NDC1: variants seen among roughly 807,000 people sequenced by gnomAD.
The protein encoded by NDC1 is nucleoporin NDC1.
A neutral mutation model predicts 89.8 loss-of-function variants in NDC1; 24 were observed. That is an observed-to-expected ratio of 0.27 (90% CI 0.19 to 0.38). The LOEUF is 0.38. Among genes scored for constraint, NDC1 ranks in the 10% least tolerant of loss-of-function variants. NDC1 has a pLI of 1.00. For synonymous variants in NDC1, 296 were observed against 284.8 expected, an observed-to-expected ratio of 1.04 and a Z score of -0.39; for missense variants, 728 against 797.6, an observed-to-expected ratio of 0.91 and a Z score of 1.05.
intron 10 of NDC1, among the ~76,000 whole-genome samples, chr1:53,801,230 A>C (rs1255181114): frequency 2.0e-5 from 3 of 152,204 alleles, no homozygotes; most frequent in Non-Finnish European, 4.4e-5. Flanking sequence ...CAATGAACTA[A>C]GACAATGAAC....
intron 14 of NDC1, among the ~76,000 whole-genome samples, 189 bp from the exon 15 acceptor site, chr1:53,789,385 C>CA (rs1254244425): frequency 6.6e-6 from 1 of 152,262 alleles, no homozygotes; most frequent in Non-Finnish European, 1.5e-5. Context: ...ACTCTACCAT[C>CA]AACTCATTGT....
chr1:53,834,457 A>C (rs761478759), intron 2 of NDC1, among the ~76,000 whole-genome samples: 1 of 152,206 alleles, frequency 6.6e-6, no homozygotes, highest in Admixed American at 6.5e-5. Context: ...CTTAACACCA[A>C]TATCTCCAAA....
At chr1:53,803,786 T>A (rs1393565096) in intron 10 of NDC1, 142 bp downstream of exon 10, 5 of 622,888 alleles carry the variant, frequency 8.0e-6, no homozygotes, top group Non-Finnish European at 1.5e-5. Context: ...TTAGCCAGGA[T>A]GGTCTTGATC....
chr1:53,796,516 T>C (rs1018450412), intron 13 of NDC1, among the ~76,000 whole-genome samples, 173 bp downstream of exon 13: 2 of 151,120 alleles, frequency 1.3e-5, no homozygotes, highest in Non-Finnish European at 2.9e-5. Context: ...CATATGAAAT[T>C]ACAATGTGTA....
chr1:53,774,575 G>C (rs898362773), intron 16 of NDC1, among the ~76,000 whole-genome samples: 4 of 152,042 alleles, frequency 2.6e-5, no homozygotes, highest in African/African-American at 9.7e-5. Flanking sequence ...ACAAGGTAAT[G>C]TAAAATAACA....
intron 5 of NDC1, among the ~76,000 whole-genome samples, chr1:53,820,236 C>T (rs1328710066): frequency 6.6e-6 from 1 of 150,678 alleles, no homozygotes; most frequent in African/African-American, 2.4e-5. Flanking sequence ...GCCTGGGCAA[C>T]AGAGTGAGAC....
At chr1:53,801,759 ATT>A (rs1276792431) in intron 10 of NDC1, among the ~76,000 whole-genome samples, 1 of 152,070 alleles carries the variant, frequency 6.6e-6, no homozygotes, top group African/African-American at 2.4e-5. Flanking sequence ...ATCCAATTAA[ATT>A]TTTGTTTGTT....
chr1:53,807,523 G>T, intron 8 of NDC1, 133 bp downstream of exon 8: 1 of 592,114 alleles, frequency 1.7e-6, no homozygotes, highest in Non-Finnish European at 2.9e-6. Flanking sequence ...ATGGCCCCAA[G>T]AGTCTCAGAA....
intron 13 of NDC1, among the ~76,000 whole-genome samples, 170 bp from the exon 14 acceptor site, chr1:53,793,449 T>C (rs1647588480): frequency 6.6e-6 from 1 of 152,200 alleles, no homozygotes; most frequent in Non-Finnish European, 1.5e-5. Context: ...ACTAAATACC[T>C]TTGTGCTACA....
intron 1 of NDC1, among the ~76,000 whole-genome samples, chr1:53,836,922 A>C (rs1302541573): frequency 6.6e-6 from 1 of 152,260 alleles, no homozygotes; most frequent in Non-Finnish European, 1.5e-5. Flanking sequence ...CACCAAAAGC[A>C]TAAGCAACAA....
chr1:53,795,120 T>C, intron 13 of NDC1, among the ~76,000 whole-genome samples: 1 of 152,122 alleles, frequency 6.6e-6, no homozygotes, highest in East Asian at 1.9e-4. Flanking sequence ...TCCCGCCCCA[T>C]GCTACCCATC....
At chr1:53,829,740 C>T (rs1648989638) in intron 3 of NDC1, among the ~76,000 whole-genome samples, 1 of 152,218 alleles carries the variant, frequency 6.6e-6, no homozygotes, top group Admixed American at 6.5e-5. Flanking sequence ...ATATTACATA[C>T]AGAAGATGAC....
At chr1:53,827,199 A>C (rs927602610) in intron 4 of NDC1, among the ~76,000 whole-genome samples, 1 of 152,076 alleles carries the variant, frequency 6.6e-6, no homozygotes, top group African/African-American at 2.4e-5. Context: ...ATTCAGTAGT[A>C]ATAATGTAAC....
Position 53,838,061 on chromosome 1 carries a change from A to G in NDC1, c.57+144T>C. 8 of 710,208 alleles carry G rather than the reference A, an allele frequency of 1.1e-5. No homozygotes were observed. In the South Asian group the frequency reaches 1.3e-4, roughly 11 times the overall value. 44.0% of individuals were successfully genotyped at this position (710,208 alleles called of 1,614,324 possible). A position where few individuals can be genotyped will look rare whatever the true frequency, so the allele number is the denominator to read the frequency against. The stretch of plus-strand genomic sequence containing the variant: ...CAGGACTTCCCACAACCCTGCAATC[A>G]GTCCCCCAAGTGGTGCCTTCCCCAC... On this transcript the variant is annotated intron_variant, in intron 1 of 17. Coordinates refer to ENST00000371429, the MANE Select transcript of NDC1 (RefSeq NM_018087.5).
chr1:53,778,175 G>A (rs1647177186), intron 16 of NDC1, among the ~76,000 whole-genome samples: 1 of 151,734 alleles, frequency 6.6e-6, no homozygotes, highest in Non-Finnish European at 1.5e-5. Context: ...GTTAACCGGA[G>A]AAAAGCATTA....
At chr1:53,780,320 C>T (rs140279065) in intron 16 of NDC1, among the ~76,000 whole-genome samples, 2,252 of 152,270 alleles carry the variant, frequency 0.015, 14 homozygotes, top group Non-Finnish European at 0.024. Flanking sequence ...GTGATCCACC[C>T]GCCTCAGCCT....
rs1647064627 is a variant in NDC1, at chr1:53,766,223, T to G, written c.*1747A>C. 1 of 152,168 alleles carries G rather than the reference T, an allele frequency of 6.6e-6. No individual in the cohort carries two copies. The highest frequency in any genetic ancestry group is 6.5e-5 in the Admixed American group (1 of 15,276). The allele number at this position is 152,168 out of a possible 1,614,324, so 9.4% of individuals were successfully genotyped here. On this transcript the variant is annotated 3_prime_UTR_variant, in exon 18 of 18. Transcript: ENST00000371429. ...ACAAGTAAGTCAAAGTTCAAAGGAA[T>G]CATCCTATCTTTATTCTCAGAAATC...
chr1:53,780,197 C>A (rs978245336), intron 16 of NDC1, among the ~76,000 whole-genome samples: 1 of 152,112 alleles, frequency 6.6e-6, no homozygotes, highest in Non-Finnish European at 1.5e-5. Flanking sequence ...CTCAGCCTCC[C>A]GAGTAGCTGG....
At chr1:53,800,413 G>A (rs1157581250) in intron 11 of NDC1, among the ~76,000 whole-genome samples, 2 of 128,244 alleles carry the variant, frequency 1.6e-5, no homozygotes, top group Non-Finnish European at 3.1e-5. Flanking sequence ...TCAGCTCACT[G>A]CAAACTCCGC....
Sources: allele counts gnomAD v4.1 joint callset (sites outside exome capture counted in the v4.1 genomes callset), GRCh38; gene constraint gnomAD v4.1.1; transcripts MANE v1.5; gene names NCBI Gene and HGNC (gene_info 2026-07-23, HGNC 2026-07-21).